Variants in DNAJC13 observed in about 807,000 individuals in gnomAD.
The protein encoded by DNAJC13 is DnaJ heat shock protein family (Hsp40) member C13, also known as dnaJ homolog subfamily C member 13.
A neutral mutation model predicts 290.5 loss-of-function variants in DNAJC13; 75 were observed. The observed-to-expected ratio is 0.26, with a 90% CI of 0.21 to 0.31. DNAJC13 has a LOEUF of 0.31. Among genes scored for constraint, DNAJC13 ranks in the 10% least tolerant of loss-of-function variants. The pLI is 1.00. For synonymous variants in DNAJC13, 862 were observed against 892.0 expected (o/e 0.97, Z 0.60); for missense variants, 2,260 against 2,674.5 (o/e 0.85, Z 3.42).
intron 1 of DNAJC13, among the ~76,000 whole-genome samples, chr3:132,422,409 A>G (rs976907389): frequency 6.6e-6 from 1 of 152,156 alleles, no homozygotes; most frequent in Admixed American, 6.5e-5. Flanking sequence ...TTGAATATCT[A>G]GTCTCATCCA....
intron 1 of DNAJC13, 104 bp from the exon 2 acceptor site, chr3:132,434,434 G>C (rs1162112666): frequency 2.8e-6 from 2 of 725,606 alleles, no homozygotes; most frequent in African/African-American, 1.8e-5. Context: ...TATACGGCAG[G>C]CTGTGAAAGT....
intron 34 of DNAJC13, among the ~76,000 whole-genome samples, chr3:132,494,615 A>G (rs1219914589): frequency 1.3e-5 from 2 of 152,188 alleles, no homozygotes; most frequent in Non-Finnish European, 2.9e-5. Flanking sequence ...CAATATGCCT[A>G]GGACACCAAA....
At chr3:132,418,150 T>A (rs1342535941) in intron 1 of DNAJC13, among the ~76,000 whole-genome samples, 1 of 152,170 alleles carries the variant, frequency 6.6e-6, no homozygotes, top group African/African-American at 2.4e-5. Context: ...CGGCAACTCT[T>A]GTTTCCTTGG....
In DNAJC13 at chr3:132,503,350, C is replaced by T. The variant is rs893219970; in HGVS notation, c.4853C>T (p.Ala1618Val). ...SLAGMLTPYV[A>V]RKLAVASVTE... ...GCTGGCATGCTGACACCCTATGTTGCTAGAAAACTTGCTGTGGCTAGTGTG... is the reference window on the plus strand; with the variant it reads ...GCTGGCATGCTGACACCCTATGTTGTTAGAAAACTTGCTGTGGCTAGTGTG... Residue 1618 changes from alanine to valine, a missense_variant, in exon 41 of 56, where the codon GCT (alanine) becomes GTT (valine). Transcript: ENST00000260818. 6.2e-5 allele frequency: 100 copies of T among 1,613,956 alleles called. No homozygotes were observed. Among genetic ancestry groups the T allele is most frequent in the Non-Finnish European group, 8.2e-5 (97 of 1,179,972 alleles).
chr3:132,492,398 GTT>G lies in DNAJC13; in HGVS notation c.3624-12_3624-11del. ...AATACCTCATAAAGCTTGAATGGAG[GTT>G]TTTATGATTGTAGGCGCCTGATGAT... is the stretch of plus-strand genomic sequence containing the variant. On this transcript the variant is annotated splice_polypyrimidine_tract_variant and intron_variant, in intron 32 of 55. Transcript: ENST00000260818. 6.2e-7 allele frequency: 1 copy of G among 1,613,052 alleles called. No individual in the cohort carries two copies. Among genetic ancestry groups the G allele is most frequent in the Non-Finnish European group, 8.5e-7 (1 of 1,179,468 alleles).
Position 132,492,564 on chromosome 3 carries a change from C to T in DNAJC13, c.3774C>T (p.Leu1258=). ...ENELFCNIYY[L]KQLCDTLRFP... ...AACTATTTTGTAATATTTATTACCT[C>T]AAACAACTGTGTGATACACTCCGGT... The change falls in exon 33 of 56, where the codon CTC becomes CTT. Residue 1258 remains leucine (L), a synonymous_variant. Transcript: ENST00000260818. The T allele has an allele frequency of 6.2e-7, 1 of 1,613,700 alleles. No homozygotes were observed. The highest frequency in any genetic ancestry group is 1.7e-4 in the Middle Eastern group (1 of 6,052).
intron 20 of DNAJC13, among the ~76,000 whole-genome samples, chr3:132,471,066 G>T (rs1224936870): frequency 2.1e-4 from 29 of 135,510 alleles, no homozygotes; most frequent in Non-Finnish European, 2.6e-4. Context: ...CAGGCGGGGG[G>T]CTTACCCCCC....
intron 1 of DNAJC13, among the ~76,000 whole-genome samples, chr3:132,418,527 G>C (rs1199458553): frequency 6.6e-6 from 1 of 152,074 alleles, no homozygotes; most frequent in East Asian, 1.9e-4. Context: ...TTGCTTAGAG[G>C]GGGGAAAAAA....
chr3:132,492,942 T>C (rs1010384711), intron 33 of DNAJC13, among the ~76,000 whole-genome samples: 2 of 152,092 alleles, frequency 1.3e-5, no homozygotes, highest in African/African-American at 4.8e-5. Flanking sequence ...TTATAGCAGG[T>C]TGATTAAGCT....
chr3:132,525,865 A>G (rs1353343413), intron 52 of DNAJC13, 76 bp downstream of exon 52: 4 of 1,463,982 alleles, frequency 2.7e-6, no homozygotes, highest in Non-Finnish European at 3.7e-6. Flanking sequence ...TATAAGTTGT[A>G]GTATTATATA....
intron 29 of DNAJC13, 117 bp from the exon 30 acceptor site, chr3:132,488,181 G>A (rs1934944901): frequency 1.2e-6 from 1 of 868,514 alleles, no homozygotes; most frequent in Admixed American, 3.3e-5. Flanking sequence ...TGACTCCCAT[G>A]GGTTTTTATT....
intron 17 of DNAJC13, among the ~76,000 whole-genome samples, chr3:132,465,102 T>C (rs1933931099): frequency 6.6e-6 from 1 of 152,198 alleles, no homozygotes; most frequent in African/African-American, 2.4e-5. Flanking sequence ...ATTACTTCAA[T>C]ATGTTAGCTT....
intron 55 of DNAJC13, among the ~76,000 whole-genome samples, chr3:132,536,690 G>C (rs1342080773): frequency 2.0e-5 from 3 of 152,122 alleles, no homozygotes; most frequent in Non-Finnish European, 4.4e-5. Context: ...GAGAATATGA[G>C]GGTGGTGGGA....
chr3:132,473,899 C>T (rs1024284154), intron 21 of DNAJC13, among the ~76,000 whole-genome samples: 3 of 152,176 alleles, frequency 2.0e-5, no homozygotes, highest in African/African-American at 7.2e-5. Context: ...TTGGATTTCT[C>T]TCTCAGTTGT....
At chr3:132,486,833 G>GT (rs1297873220) in intron 29 of DNAJC13, among the ~76,000 whole-genome samples, 1 of 152,168 alleles carries the variant, frequency 6.6e-6, no homozygotes, top group East Asian at 1.9e-4. Context: ...AATACAGTGA[G>GT]TAAACGTTCT....
chr3:132,471,490 G>A (rs1316479528), intron 20 of DNAJC13, among the ~76,000 whole-genome samples: 7 of 141,458 alleles, frequency 4.9e-5, no homozygotes, highest in African/African-American at 1.6e-4. Flanking sequence ...CTTCTCAGAC[G>A]GGGTGGTTGC....
chr3:132,514,200 A>G (rs1417601826), intron 45 of DNAJC13, among the ~76,000 whole-genome samples: 1 of 152,162 alleles, frequency 6.6e-6, no homozygotes, highest in South Asian at 2.1e-4. Flanking sequence ...TAATAGAAAC[A>G]TAACCCCAAT....
chr3:132,476,835 G>A (rs536182978), intron 22 of DNAJC13, among the ~76,000 whole-genome samples: 9 of 152,292 alleles, frequency 5.9e-5, no homozygotes, highest in African/African-American at 1.7e-4. Context: ...CGTTATCTGG[G>A]TGGGCCTTCC....
intron 29 of DNAJC13, among the ~76,000 whole-genome samples, chr3:132,486,947 G>C (rs1390158965): frequency 6.6e-6 from 1 of 152,038 alleles, no homozygotes; most frequent in Non-Finnish European, 1.5e-5. Context: ...ATTGAAATAC[G>C]GTGGGTAGTT....
Sources: gnomAD v4.1 joint callset for allele counts (sites outside exome capture counted in the v4.1 genomes callset) on GRCh38, gnomAD v4.1.1 for gene constraint, MANE v1.5 for transcripts, NCBI Gene and HGNC (gene_info 2026-07-23, HGNC 2026-07-21) for gene names.